Variants in PARD3B observed in about 807,000 individuals in gnomAD.
PARD3B encodes the protein partitioning defective 3 homolog B.
In PARD3B, 103 loss-of-function variants were observed where a neutral mutation model predicts 130.2. That is an observed-to-expected ratio of 0.79 (90% CI 0.67 to 0.93). The LOEUF (loss-of-function observed/expected upper bound fraction) is 0.93, where lower values mean the gene tolerates loss of function less well. Ranked by LOEUF, PARD3B falls within the 40% of genes least tolerant of loss-of-function variation. PARD3B has a pLI of 0.00. For missense variants in PARD3B, 1,609 were observed against 1,499.2 expected, an observed-to-expected ratio of 1.07 and a Z score of -1.21; for synonymous variants, 583 against 553.2, an observed-to-expected ratio of 1.05 and a Z score of -0.76.
chr2:204,692,295 G>T (rs1346561223), intron 2 of PARD3B, among the ~76,000 whole-genome samples: 2 of 152,028 alleles, frequency 1.3e-5, no homozygotes, highest in Non-Finnish European at 2.9e-5. Flanking sequence ...CTTCTAGTAA[G>T]GGCTAAAGGA....
chr2:205,473,517 G>A lies in PARD3B; in HGVS notation c.3045-26379G>A, dbSNP rs1398853428. 6.6e-6 allele frequency among the ~76,000 whole-genome samples: 1 copy of A among 151,588 alleles called. No individual in the cohort carries two copies. The highest frequency in any genetic ancestry group is 2.4e-5 in the African/African-American group (1 of 41,336). ...ACTGCTGGTTTTCTGCTGCCTGACA[G>A]TAGGGCACGTTTCACTCATTAATAT... On this transcript the variant is annotated intron_variant, in intron 20 of 22. Transcript: ENST00000406610. The surrounding 1 kb of genome is among the most constrained non-coding windows in gnomAD (Gnocchi z 4.9).
chr2:205,409,769 C>A (rs2046532570), intron 19 of PARD3B, among the ~76,000 whole-genome samples: 1 of 152,058 alleles, frequency 6.6e-6, no homozygotes, highest in African/African-American at 2.4e-5. Context: ...TTCATGTACC[C>A]TGGAGTGATG....
intron 19 of PARD3B, among the ~76,000 whole-genome samples, chr2:205,419,595 A>G (rs1017147106): frequency 6.6e-6 from 1 of 152,190 alleles, no homozygotes; most frequent in Admixed American, 6.5e-5. Flanking sequence ...CCAGAAAAAA[A>G]CAAGTTCCAT....
chr2:204,920,520 A>C (rs1372289652), intron 2 of PARD3B, among the ~76,000 whole-genome samples: 1 of 152,210 alleles, frequency 6.6e-6, no homozygotes, highest in Non-Finnish European at 1.5e-5. Context: ...AGGGTAGTGT[A>C]ATATATTCTC....
At position 205,530,589 on chromosome 2, in the gene PARD3B, G is replaced by A. The variant is rs566304015; in HGVS notation, c.3181-22735G>A. Among the ~76,000 whole-genome samples, 11 of 152,150 alleles carry A rather than the reference G, an allele frequency of 7.2e-5. No individual in the cohort carries two copies. Among genetic ancestry groups the A allele is most frequent in the African/African-American group, 1.9e-4 (8 of 41,508 alleles). On this transcript the variant is annotated intron_variant, in intron 21 of 22. Transcript: ENST00000406610. The surrounding 1 kb of genome is among the most constrained non-coding windows in gnomAD (Gnocchi z 4.7). ...CAACTGCCAGAGATTTGCCCTCTTC[G>A]GGTAACACCCTTCCATCCTGAGGAG...
intron 2 of PARD3B, among the ~76,000 whole-genome samples, chr2:204,738,776 A>G (rs1308122738): frequency 6.6e-6 from 1 of 152,060 alleles, no homozygotes; most frequent in African/African-American, 2.4e-5. Context: ...TTTCCCTTTC[A>G]TCGGCAAATG....
In PARD3B at chr2:205,463,131, T is replaced by C. The variant is rs1249054485; in HGVS notation, c.3044+22459T>C. On this transcript the variant is annotated intron_variant, in intron 20 of 22. Transcript: ENST00000406610. The surrounding 1 kb of genome is among the most constrained non-coding windows in gnomAD (Gnocchi z 4.8). ...TTTGGTTTGAACTGACTCACCTAAT[T>C]GGGGTCAACCACTGAAAAAAAATGT... Among the ~76,000 whole-genome samples the C allele has an allele frequency of 6.6e-6, 1 of 152,206 alleles. No homozygotes were observed. Among genetic ancestry groups the C allele is most frequent in the Non-Finnish European group, 1.5e-5 (1 of 68,038 alleles).
At chr2:204,792,898 C>T (rs2042245315) in intron 2 of PARD3B, among the ~76,000 whole-genome samples, 1 of 150,882 alleles carries the variant, frequency 6.6e-6, no homozygotes. Context: ...TAAGGCTTTA[C>T]CTATTTTTTT....
intron 1 of PARD3B, among the ~76,000 whole-genome samples, chr2:204,618,677 G>A (rs578087303): frequency 6.6e-6 from 1 of 152,308 alleles, no homozygotes; most frequent in Admixed American, 6.5e-5. Flanking sequence ...ATTTATTAGT[G>A]TATTTCTTGC....
chr2:205,026,581 A>AAC (rs1355772590), intron 3 of PARD3B, among the ~76,000 whole-genome samples: 2 of 152,080 alleles, frequency 1.3e-5, no homozygotes, highest in African/African-American at 2.4e-5. Flanking sequence ...TCAGGTAAAC[A>AAC]ACACAGTATT....
chr2:205,448,683 A>T (rs909309200), intron 20 of PARD3B, among the ~76,000 whole-genome samples: 1 of 152,192 alleles, frequency 6.6e-6, no homozygotes, highest in Non-Finnish European at 1.5e-5. Flanking sequence ...TCAATGTCAA[A>T]TACAATCCCA....
intron 15 of PARD3B, among the ~76,000 whole-genome samples, chr2:205,194,755 T>C (rs1004416002): frequency 1.3e-5 from 2 of 151,932 alleles, no homozygotes; most frequent in Non-Finnish European, 2.9e-5. Context: ...GCAGAATCAA[T>C]ATTTTTGTTT....
At chr2:204,871,574 AATG>A (rs1370914899) in intron 2 of PARD3B, among the ~76,000 whole-genome samples, 2 of 152,164 alleles carry the variant, frequency 1.3e-5, no homozygotes, top group African/African-American at 4.8e-5. Context: ...AGTAAATAAT[AATG>A]ATATGAATGA....
chr2:204,712,203 G>T (rs1416429671), intron 2 of PARD3B, among the ~76,000 whole-genome samples: 2 of 152,104 alleles, frequency 1.3e-5, no homozygotes, highest in Non-Finnish European at 1.5e-5. Flanking sequence ...AATCTTTAAT[G>T]GTTTGTGTAC....
Position 205,269,013 on chromosome 2 carries a change from AAAG to A in PARD3B, c.2185+23194_2185+23196del, listed in dbSNP as rs1477798518. ...CATTTTTCAAAAACCTGTGAAGCTC[AAAG>A]AATAGGTATTATTCCATTTTGTAGA... On this transcript the variant is annotated intron_variant, in intron 16 of 22. Transcript: ENST00000406610. The surrounding 1 kb of genome is among the most constrained non-coding windows in gnomAD (Gnocchi z 4.7). 6.6e-6 allele frequency among the ~76,000 whole-genome samples: 1 copy of A among 152,200 alleles called. No individual in the cohort carries two copies. Among genetic ancestry groups the A allele is most frequent in the Non-Finnish European group, 1.5e-5 (1 of 68,018 alleles).
At chr2:205,082,842 G>A (rs1701501351) in intron 4 of PARD3B, among the ~76,000 whole-genome samples, 1 of 151,686 alleles carries the variant, frequency 6.6e-6, no homozygotes, top group Non-Finnish European at 1.5e-5. Flanking sequence ...TACTAACTAA[G>A]CCTCTTCCAA....
At chr2:205,048,801 C>A (rs141582168) in intron 4 of PARD3B, among the ~76,000 whole-genome samples, 1 of 152,242 alleles carries the variant, frequency 6.6e-6, no homozygotes, top group East Asian at 1.9e-4. Flanking sequence ...TAAAAGAAAG[C>A]AGGTGTCTTG....
Position 204,936,983 on chromosome 2 carries a change from A to G in PARD3B, c.223-28169A>G, listed in dbSNP as rs935114726. Among the ~76,000 whole-genome samples the G allele has an allele frequency of 2.6e-5, 4 of 152,376 alleles. No homozygotes were observed. In the East Asian group the frequency reaches 7.7e-4, roughly 29 times the overall value. ...GTGATAATATAATACTGAAATGTGA[A>G]AACAGTTAAAGGTATTGAGTAATAT... On this transcript the variant is annotated intron_variant, in intron 2 of 22. Transcript: ENST00000406610.
chr2:205,035,845 A>ATATATT (rs1448591499), intron 3 of PARD3B, among the ~76,000 whole-genome samples: 1 of 123,064 alleles, frequency 8.1e-6, no homozygotes, highest in Non-Finnish European at 1.7e-5. Context: ...ATATATATAT[A>ATATATT]GTGGGCTATA....
Sources: gnomAD v4.1 joint callset for allele counts (sites outside exome capture counted in the v4.1 genomes callset) on GRCh38, gnomAD v4.1.1 for gene constraint, Gnocchi (gnomAD v3.1) non-coding constraint, MANE v1.5 for transcripts, NCBI Gene and HGNC (gene_info 2026-07-23, HGNC 2026-07-21) for gene names.